UNC13C: variants seen among roughly 807,000 people sequenced by gnomAD.
UNC13C encodes the protein unc-13 homolog C.
In UNC13C, 174 loss-of-function variants were observed where a neutral mutation model predicts 245.4. The ratio of observed to expected loss-of-function variants is 0.71; its 90% CI spans 0.63 to 0.80. The LOEUF is 0.80. Among genes scored for constraint, UNC13C ranks in the 30% least tolerant of loss-of-function variants. The probability of loss-of-function intolerance (pLI) is 0.00; values close to 1 mark genes in which losing one functional copy is unlikely to be tolerated. For missense variants in UNC13C, 2,829 were observed against 2,602.9 expected (o/e 1.09, Z -1.89); for synonymous variants, 992 against 895.1 (o/e 1.11, Z -1.93).
chr15:54,308,061 T>C (rs1361240736), intron 13 of UNC13C, among the ~76,000 whole-genome samples: 1 of 151,950 alleles, frequency 6.6e-6, no homozygotes, highest in Non-Finnish European at 1.5e-5. Flanking sequence ...TAATCTTCCT[T>C]TTGGTACTTC....
chr15:53,881,258 G>GGA, the UNC13C span, among the ~76,000 whole-genome samples: 4 of 152,178 alleles, frequency 2.6e-5, no homozygotes, highest in Non-Finnish European at 4.4e-5. Context: ...CATACTGTTT[G>GGA]GAGAGCGTGC....
intron 14 of UNC13C, among the ~76,000 whole-genome samples, chr15:54,325,270 A>G (rs1470935797): frequency 6.6e-6 from 1 of 151,854 alleles, no homozygotes; most frequent in Non-Finnish European, 1.5e-5. Flanking sequence ...ACACACATAC[A>G]TACACACACT....
At chr15:54,375,845 G>A (rs2039595371) in intron 17 of UNC13C, among the ~76,000 whole-genome samples, 1 of 152,200 alleles carries the variant, frequency 6.6e-6, no homozygotes, top group African/African-American at 2.4e-5. Context: ...GCGGAGCTGT[G>A]CCTGGACTCT....
At chr15:54,375,272 C>T (rs1191845183) in intron 17 of UNC13C, among the ~76,000 whole-genome samples, 1 of 152,198 alleles carries the variant, frequency 6.6e-6, no homozygotes, top group South Asian at 2.1e-4. Flanking sequence ...AATTTCTAAT[C>T]TACCTTGCAG....
At chr15:54,162,192 T>C (rs1274330736) in intron 4 of UNC13C, among the ~76,000 whole-genome samples, 1 of 152,166 alleles carries the variant, frequency 6.6e-6, no homozygotes, top group Non-Finnish European at 1.5e-5. Context: ...CAGCAGATGA[T>C]CTATAACTGC....
At chr15:54,051,668 T>A (rs535640100) in intron 2 of UNC13C, among the ~76,000 whole-genome samples, 2 of 151,468 alleles carry the variant, frequency 1.3e-5, no homozygotes, top group South Asian at 2.1e-4. Context: ...TTATTTATTT[T>A]AATCAGGTGA....
intron 8 of UNC13C, among the ~76,000 whole-genome samples, chr15:54,257,264 A>G (rs1258455272): frequency 1.3e-5 from 2 of 152,144 alleles, no homozygotes; most frequent in Non-Finnish European, 2.9e-5. Flanking sequence ...TATTTTGAAA[A>G]TTGAGCACAT....
intron 26 of UNC13C, 80 bp downstream of exon 26, chr15:54,533,146 C>T (rs1022593200): frequency 1.7e-5 from 19 of 1,108,928 alleles, no homozygotes; most frequent in Admixed American, 2.6e-5. Context: ...CATTGTTTTC[C>T]TCTGTGTAAG....
intron 13 of UNC13C, among the ~76,000 whole-genome samples, chr15:54,313,435 G>T (rs1458507217): frequency 6.6e-6 from 1 of 151,760 alleles, no homozygotes. Flanking sequence ...CTAAATATGG[G>T]CTGGATATAT....
the UNC13C span, among the ~76,000 whole-genome samples, chr15:53,854,478 G>T: frequency 5.3e-5 from 8 of 152,114 alleles, no homozygotes; most frequent in African/African-American, 1.9e-4. Context: ...TATATATGGT[G>T]TAAGGAAGGG....
At chr15:54,311,894 CA>C (rs2037882893) in intron 13 of UNC13C, among the ~76,000 whole-genome samples, 1 of 151,550 alleles carries the variant, frequency 6.6e-6, no homozygotes, top group Non-Finnish European at 1.5e-5. Context: ...AAAATATGTA[CA>C]AATAATTTAG....
At chr15:54,268,534 G>A (rs1001586731) in intron 10 of UNC13C, among the ~76,000 whole-genome samples, 1 of 152,028 alleles carries the variant, frequency 6.6e-6, no homozygotes, top group African/African-American at 2.4e-5. Context: ...GTTGCTTGCT[G>A]GATATCGTAG....
chr15:54,214,472 AAG>A (rs944216105), intron 4 of UNC13C, among the ~76,000 whole-genome samples: 4 of 151,922 alleles, frequency 2.6e-5, no homozygotes, highest in African/African-American at 9.7e-5. Context: ...GTCTAATAAT[AAG>A]AGGGGTGGGC....
At chr15:54,409,715 T>C (rs1200252097) in intron 18 of UNC13C, among the ~76,000 whole-genome samples, 1 of 152,230 alleles carries the variant, frequency 6.6e-6, no homozygotes, top group Non-Finnish European at 1.5e-5. Flanking sequence ...GATTTTATTC[T>C]TTTTTATACC....
At chr15:53,936,995 C>A in the UNC13C span, among the ~76,000 whole-genome samples, 1 of 152,196 alleles carries the variant, frequency 6.6e-6, no homozygotes, top group African/African-American at 2.4e-5. Flanking sequence ...GACTGCAACA[C>A]CTCTCCAGCA....
chr15:54,346,105 A>G (rs1596259514), intron 17 of UNC13C, among the ~76,000 whole-genome samples: 1 of 152,188 alleles, frequency 6.6e-6, no homozygotes, highest in African/African-American at 2.4e-5. Context: ...TATCAGGTGC[A>G]TCATGTGATA....
At chr15:53,988,244 CT>C (rs1894231476) in intron 1 of UNC13C, among the ~76,000 whole-genome samples, 1 of 151,960 alleles carries the variant, frequency 6.6e-6, no homozygotes, top group Non-Finnish European at 1.5e-5. Flanking sequence ...TAAAATGGTT[CT>C]GATGAGATAC....
At chr15:53,892,131 A>T in the UNC13C span, among the ~76,000 whole-genome samples, 1 of 152,208 alleles carries the variant, frequency 6.6e-6, no homozygotes, top group Non-Finnish European at 1.5e-5. Context: ...TCCTTCACTT[A>T]TAAAGCTTAG....
intron 2 of UNC13C, among the ~76,000 whole-genome samples, chr15:54,118,004 G>C (rs1018265686): frequency 1.3e-5 from 2 of 151,936 alleles, no homozygotes; most frequent in Non-Finnish European, 2.9e-5. Flanking sequence ...CCTTTGGTCT[G>C]TGTGTCTGTT....
Sources: gnomAD v4.1 joint callset for allele counts (sites outside exome capture counted in the v4.1 genomes callset) on GRCh38, gnomAD v4.1.1 for gene constraint, MANE v1.5 for transcripts, NCBI Gene and HGNC (gene_info 2026-07-23, HGNC 2026-07-21) for gene names.